Variants in CHST11 observed in about 807,000 individuals in gnomAD.
The protein encoded by CHST11 is C4S-1.
Under a neutral mutation model 30.4 loss-of-function variants are expected in CHST11, and 9 were observed. That is an observed-to-expected ratio of 0.30 (90% confidence interval 0.18 to 0.52). CHST11 has a LOEUF of 0.52. Ranked by LOEUF, CHST11 falls within the 20% of genes least tolerant of loss-of-function variation. The probability of loss-of-function intolerance (pLI) is 0.97; values close to 1 mark genes in which losing one functional copy is unlikely to be tolerated. For synonymous variants in CHST11, 152 were observed against 187.8 expected (o/e 0.81, Z 1.56); for missense variants, 348 against 460.6 (o/e 0.76, Z 2.24).
At chr12:104,545,789 G>A (rs902515937) in intron 1 of CHST11, among the ~76,000 whole-genome samples, 2 of 152,074 alleles carry the variant, frequency 1.3e-5, no homozygotes, top group African/African-American at 2.4e-5. Context: ...GTTGAGGATG[G>A]CTGGAGAACT....
intron 2 of CHST11, among the ~76,000 whole-genome samples, chr12:104,619,456 T>C (rs2039139497): frequency 6.6e-6 from 1 of 152,176 alleles, no homozygotes; most frequent in Non-Finnish European, 1.5e-5. Context: ...ACAGTAACCA[T>C]GTGTAATTTT....
At chr12:104,583,864 C>T (rs2038774308) in intron 1 of CHST11, among the ~76,000 whole-genome samples, 1 of 152,088 alleles carries the variant, frequency 6.6e-6, no homozygotes, top group Non-Finnish European at 1.5e-5. Flanking sequence ...AGGCACCTGC[C>T]ACCACACCCA....
chr12:104,643,677 T>G (rs2039399349), intron 2 of CHST11, among the ~76,000 whole-genome samples: 2 of 152,176 alleles, frequency 1.3e-5, no homozygotes, highest in African/African-American at 2.4e-5. Context: ...ATGACTTTTT[T>G]TTGTTGTTGC....
At chr12:104,488,420 T>G (rs1000962665) in intron 1 of CHST11, among the ~76,000 whole-genome samples, 20 of 150,674 alleles carry the variant, frequency 1.3e-4, no homozygotes, top group Non-Finnish European at 2.4e-4. Flanking sequence ...TGTGTATGTG[T>G]CTATGTATGT....
intron 1 of CHST11, among the ~76,000 whole-genome samples, chr12:104,574,175 C>A (rs1373795140): frequency 6.6e-6 from 1 of 152,304 alleles, no homozygotes; most frequent in Admixed American, 6.5e-5. Flanking sequence ...CATCTCACAC[C>A]AGTTAGAATG....
intron 2 of CHST11, among the ~76,000 whole-genome samples, chr12:104,640,383 A>G (rs552150588): frequency 6.6e-6 from 1 of 152,322 alleles, no homozygotes; most frequent in Non-Finnish European, 1.5e-5. Context: ...ATACAACAGA[A>G]TATTATTCAG....
At chr12:104,597,337 A>G (rs2038915441) in intron 1 of CHST11, among the ~76,000 whole-genome samples, 1 of 152,184 alleles carries the variant, frequency 6.6e-6, no homozygotes, top group Non-Finnish European at 1.5e-5. Context: ...TTGAGTTTAG[A>G]GAGGAGAAAA....
chr12:104,603,208 A>G (rs2038973702), intron 2 of CHST11, among the ~76,000 whole-genome samples: 1 of 152,144 alleles, frequency 6.6e-6, no homozygotes, highest in Non-Finnish European at 1.5e-5. Flanking sequence ...ACCCTGTCCT[A>G]AGGAAGAGGC....
At position 104,458,120 on chromosome 12, in the gene CHST11, T is replaced by A. The variant is rs1266491555; in HGVS notation, c.118+591T>A. ...GGCTCCGCGCAGAGCTGAGCAGGTG[T>A]GGAGAGTGGTCGGGTGCCCAGCGTT... On this transcript the variant is annotated intron_variant, in intron 1 of 2. Transcript: ENST00000303694. This position sits in a 1 kb window ranked among gnomAD's most constrained non-coding sequence, Gnocchi z 5.7. Among the ~76,000 whole-genome samples the A allele has an allele frequency of 6.6e-6, 1 of 151,628 alleles. No individual in the cohort carries two copies. Among genetic ancestry groups the A allele is most frequent in the Non-Finnish European group, 1.5e-5 (1 of 67,838 alleles).
At chr12:104,514,690 C>G (rs925185722) in intron 1 of CHST11, among the ~76,000 whole-genome samples, 4 of 151,978 alleles carry the variant, frequency 2.6e-5, no homozygotes, top group Non-Finnish European at 5.9e-5. Context: ...AGGGAGGGAG[C>G]AAGAGAGAGA....
At chr12:104,462,775 A>G (rs1435444408) in intron 1 of CHST11, among the ~76,000 whole-genome samples, 4 of 152,228 alleles carry the variant, frequency 2.6e-5, no homozygotes, top group African/African-American at 9.7e-5. Context: ...ACCTATAAAA[A>G]TTAACAAGTA....
chr12:104,743,809 G>A (rs2040367551), intron 2 of CHST11, among the ~76,000 whole-genome samples: 2 of 152,062 alleles, frequency 1.3e-5, no homozygotes, highest in Admixed American at 6.6e-5. Context: ...TCCCCTCTGT[G>A]TCCATGTGTT....
At chr12:104,679,505 C>T (rs1050164797) in intron 2 of CHST11, among the ~76,000 whole-genome samples, 3 of 152,228 alleles carry the variant, frequency 2.0e-5, no homozygotes, top group African/African-American at 7.2e-5. Flanking sequence ...ACCTCCGCCC[C>T]GTGTGTGGTT....
At chr12:104,488,690 C>A (rs112261920) in intron 1 of CHST11, among the ~76,000 whole-genome samples, 3 of 102,960 alleles carry the variant, frequency 2.9e-5, no homozygotes, top group African/African-American at 6.8e-5. Flanking sequence ...TCTGTGTATG[C>A]GTATGTGTGT....
intron 1 of CHST11, among the ~76,000 whole-genome samples, chr12:104,473,683 G>C (rs1357629965): frequency 6.6e-6 from 1 of 152,034 alleles, no homozygotes; most frequent in Admixed American, 6.6e-5. Context: ...CTGTGGGAGA[G>C]GGCATGGGGC....
At chr12:104,609,277 C>T (rs551394676) in intron 2 of CHST11, among the ~76,000 whole-genome samples, 3 of 152,342 alleles carry the variant, frequency 2.0e-5, no homozygotes, top group African/African-American at 7.2e-5. Context: ...TAGACCGACT[C>T]CTTATGCAAA....
At chr12:104,567,416 G>T (rs890387967) in intron 1 of CHST11, among the ~76,000 whole-genome samples, 5 of 152,158 alleles carry the variant, frequency 3.3e-5, no homozygotes, top group Admixed American at 1.3e-4. Flanking sequence ...GTAGAAAGGT[G>T]TTCCCTGGGT....
intron 1 of CHST11, among the ~76,000 whole-genome samples, chr12:104,513,484 C>T (rs897582218): frequency 2.6e-5 from 4 of 152,084 alleles, no homozygotes; most frequent in African/African-American, 9.7e-5. Context: ...TAACATATAA[C>T]CTTTGTGTGT....
At chr12:104,672,248 C>T (rs1004116347) in intron 2 of CHST11, among the ~76,000 whole-genome samples, 1 of 103,014 alleles carries the variant, frequency 9.7e-6, no homozygotes, top group Non-Finnish European at 1.9e-5. Flanking sequence ...GGGATTGTCC[C>T]TCTCTCCCCA....
Sources: gnomAD v4.1 joint callset for allele counts (sites outside exome capture counted in the v4.1 genomes callset) on GRCh38, gnomAD v4.1.1 for gene constraint, Gnocchi (gnomAD v3.1) non-coding constraint, MANE v1.5 for transcripts, NCBI Gene and HGNC (gene_info 2026-07-23, HGNC 2026-07-21) for gene names.